UBAP2: variants seen among roughly 807,000 people sequenced by gnomAD.
The protein encoded by UBAP2 is ubiquitin-associated protein 2.
In UBAP2, 75 loss-of-function variants were observed where a neutral mutation model predicts 139.6. The ratio of observed to expected loss-of-function variants is 0.54; its 90% CI spans 0.45 to 0.65. The LOEUF is 0.65. Ranked by LOEUF, UBAP2 falls within the 30% of genes least tolerant of loss-of-function variation. The pLI is 0.00. For missense variants in UBAP2, 1,368 were observed against 1,369.6 expected (o/e 1.00, Z 0.02); for synonymous variants, 526 against 526.2 (o/e 1.00, Z 0.01).
At chr9:33,980,191 T>C (rs1042373971) in intron 6 of UBAP2, among the ~76,000 whole-genome samples, 1 of 149,958 alleles carries the variant, frequency 6.7e-6, no homozygotes, top group African/African-American at 2.4e-5. Flanking sequence ...CTAATAATTC[T>C]GCTTTAATCC....
intron 1 of UBAP2, among the ~76,000 whole-genome samples, chr9:34,019,000 C>A (rs1198940296): frequency 6.6e-6 from 1 of 152,060 alleles, no homozygotes; most frequent in Non-Finnish European, 1.5e-5. Flanking sequence ...GACATATATA[C>A]ACAATGGAAA....
At chr9:34,027,802 C>T (rs1265089371) in intron 1 of UBAP2, among the ~76,000 whole-genome samples, 1 of 150,228 alleles carries the variant, frequency 6.7e-6, no homozygotes, top group Non-Finnish European at 1.5e-5. Context: ...CAAGAGCTTG[C>T]AGTGAGCCGA....
At chr9:33,979,409 C>T (rs1820437027) in intron 6 of UBAP2, among the ~76,000 whole-genome samples, 1 of 152,132 alleles carries the variant, frequency 6.6e-6, no homozygotes. Context: ...AATCCCGTCT[C>T]TACTGAAAAT....
chr9:33,982,971 C>T (rs1358827493), intron 6 of UBAP2, among the ~76,000 whole-genome samples: 1 of 151,794 alleles, frequency 6.6e-6, no homozygotes, highest in Non-Finnish European at 1.5e-5. Context: ...CCTCCGCCTC[C>T]CAGGTTCAAG....
intron 6 of UBAP2, among the ~76,000 whole-genome samples, chr9:33,982,087 C>T (rs1398857134): frequency 6.6e-6 from 1 of 152,064 alleles, no homozygotes; most frequent in African/African-American, 2.4e-5. Context: ...GGCCCCACTC[C>T]TTGCAGTTGC....
intron 8 of UBAP2, among the ~76,000 whole-genome samples, chr9:33,969,090 G>GT (rs11327203): frequency 6.6e-6 from 1 of 152,106 alleles, no homozygotes; most frequent in Non-Finnish European, 1.5e-5. Flanking sequence ...AACATTTGAG[G>GT]TTTTTTCCCC....
intron 2 of UBAP2, 147 bp from the exon 3 acceptor site, chr9:33,999,011 T>A (rs953803500): frequency 3.5e-6 from 2 of 576,998 alleles, no homozygotes; most frequent in African/African-American, 3.8e-5. Context: ...CTCTCAACCA[T>A]ATATAACCTG....
At chr9:33,955,303 G>A (rs1826458044) in intron 11 of UBAP2, among the ~76,000 whole-genome samples, 1 of 150,624 alleles carries the variant, frequency 6.6e-6, no homozygotes, top group Non-Finnish European at 1.5e-5. Flanking sequence ...GGCGGATCAC[G>A]AGGTCAGGAT....
chr9:33,981,082 T>TTCTGG lies in UBAP2; in HGVS notation c.520+5677_520+5678insCCAGA, dbSNP rs1170200053. Among the ~76,000 whole-genome samples, 44 of 22,010 alleles carry TTCTGG rather than the reference T, an allele frequency of 2.0e-3. 2 individuals carry two copies. The highest frequency in any genetic ancestry group is 2.9e-3 in the Non-Finnish European group (29 of 9,912). The allele number at this position is 22,010 out of a possible 152,430, so 14.4% of individuals were successfully genotyped here. ...TTTACTTCATATATATATATATATATATATATATATATATATTCTGGATAT... is the reference window on the plus strand; with the variant it reads ...TTTACTTCATATATATATATATATATTCTGGATATATATATATATATTCTGGATAT... On this transcript the variant is annotated intron_variant, in intron 6 of 28. Transcript: ENST00000379238.
chr9:33,965,805 C>CT (rs1198281056), intron 8 of UBAP2, among the ~76,000 whole-genome samples: 2 of 149,174 alleles, frequency 1.3e-5, no homozygotes, highest in African/African-American at 5.0e-5. Context: ...TCCCAGCACT[C>CT]TGAGAGGCCG....
At chr9:34,028,483 G>A (rs913507507) in intron 1 of UBAP2, among the ~76,000 whole-genome samples, 17 of 151,852 alleles carry the variant, frequency 1.1e-4, no homozygotes, top group Admixed American at 8.6e-4. Flanking sequence ...GGGTTCAAGC[G>A]ATTAGCCTGC....
chr9:34,022,558 C>T (rs1304911823), intron 1 of UBAP2, among the ~76,000 whole-genome samples: 2 of 151,574 alleles, frequency 1.3e-5, no homozygotes. Context: ...ACCTCAGCCT[C>T]CCAAGTAGCT....
chr9:33,927,052 C>A lies in UBAP2; in HGVS notation c.2400G>T (p.Gly800=). The stretch of plus-strand genomic sequence containing the variant: ...ACTGGTTGTGCAGCAGGGGAGGCAC[C>A]CCCTGAGGTAAGTTTGGGGGTGCTT... The part of the protein sequence containing the change: ...SGKAPPNLPQ[G]VPPLLHNQYL... Residue 800 remains glycine (G), a synonymous_variant, in exon 21 of 29, where the codon GGG becomes GGT. Transcript: ENST00000379238. 6.2e-7 allele frequency: 1 copy of A among 1,613,232 alleles called. No individual in the cohort carries two copies. Among genetic ancestry groups the A allele is most frequent in the African/African-American group, 1.3e-5 (1 of 74,986 alleles).
At chr9:33,977,426 G>A (rs1820242762) in intron 6 of UBAP2, among the ~76,000 whole-genome samples, 1 of 152,040 alleles carries the variant, frequency 6.6e-6, no homozygotes, top group African/African-American at 2.4e-5. Context: ...CTACTCACCT[G>A]GTAGTAACGC....
At chr9:34,041,554 G>A (rs1176962745) in intron 1 of UBAP2, among the ~76,000 whole-genome samples, 9 of 145,986 alleles carry the variant, frequency 6.2e-5, no homozygotes, top group African/African-American at 2.3e-4. Flanking sequence ...AAAATTAGCT[G>A]AGCATGGTGG....
chr9:34,015,619 G>A (rs972456977), intron 2 of UBAP2, among the ~76,000 whole-genome samples: 24 of 152,036 alleles, frequency 1.6e-4, no homozygotes, highest in African/African-American at 3.4e-4. Flanking sequence ...GAGCCACTGC[G>A]CCCGGCCTCA....
chr9:34,016,418 T>C (rs1219737775), intron 2 of UBAP2, among the ~76,000 whole-genome samples: 1 of 151,200 alleles, frequency 6.6e-6, no homozygotes, highest in East Asian at 1.9e-4. Context: ...GTGGTGGCAG[T>C]GGCAGCCTAA....
intron 6 of UBAP2, among the ~76,000 whole-genome samples, chr9:33,985,004 C>T (rs1318566096): frequency 6.6e-6 from 1 of 152,148 alleles, no homozygotes; most frequent in Non-Finnish European, 1.5e-5. Flanking sequence ...AACTCTCATA[C>T]ACTATTGGTG....
chr9:34,008,064 G>A (rs10971843), intron 2 of UBAP2, among the ~76,000 whole-genome samples: 91,216 of 151,780 alleles, frequency 0.6, 27,800 homozygotes, highest in East Asian at 0.81. Context: ...GAACCTGGGA[G>A]GCGAAGGTTG....
Sources: allele counts gnomAD v4.1 joint callset (sites outside exome capture counted in the v4.1 genomes callset), GRCh38; gene constraint gnomAD v4.1.1; transcripts MANE v1.5; gene names NCBI Gene and HGNC (gene_info 2026-07-23, HGNC 2026-07-21).